The following TCF12 variants were observed in gnomAD, a reference collection of about 807,000 sequenced individuals.
TCF12 encodes transcription factor 12, also known as DNA-binding protein HTF4.
TCF12 carries 45 observed loss-of-function variants against 86.0 expected under a neutral mutation model. That is an observed-to-expected ratio of 0.52 (90% CI 0.41 to 0.67). TCF12 has a LOEUF of 0.67. Among genes scored for constraint, TCF12 ranks in the 30% least tolerant of loss-of-function variants. TCF12 has a pLI of 0.00. For synonymous variants in TCF12, 330 were observed against 299.6 expected (o/e 1.10, Z -1.05); for missense variants, 881 against 859.9 (o/e 1.02, Z -0.31).
chr15:57,223,655 T>TTTTTTTTTTTTA (rs2058724434), intron 8 of TCF12, among the ~76,000 whole-genome samples: 1 of 97,076 alleles, frequency 1.0e-5, no homozygotes, highest in East Asian at 2.8e-4. Context: ...TTTTTTTTTT[T>TTTTTTTTTTTTA]TTTTTTTTTT....
chr15:56,979,613 A>G (rs1223456311), intron 3 of TCF12, among the ~76,000 whole-genome samples: 1 of 152,218 alleles, frequency 6.6e-6, no homozygotes, highest in East Asian at 1.9e-4. Flanking sequence ...TAGTTAAAGA[A>G]ATACAGTAAG....
At chr15:57,181,551 TA>T (rs34096917) in intron 6 of TCF12, among the ~76,000 whole-genome samples, 58,612 of 152,018 alleles carry the variant, frequency 0.39, 14,115 homozygotes, top group Non-Finnish European at 0.53. Flanking sequence ...GAGTTCCCAT[TA>T]AAAAAAGGAT....
chr15:57,166,466 A>C lies in TCF12; in HGVS notation c.390A>C (p.Gln130His), dbSNP rs775677032. The C allele has an allele frequency of 6.2e-7, 1 of 1,611,974 alleles. No homozygotes were observed. The highest frequency in any genetic ancestry group is 1.1e-5 in the South Asian group (1 of 90,392). ...GAGATACTGGATTACCAGGCTGTCA[A>C]GTAAGTTTAATGATTAAAAAAAGCA... Reference protein sequence around the residue: ...YSRDTGLPGCQSSLLRQDLGL... With the variant: ...YSRDTGLPGCHSSLLRQDLGL... Residue 130 changes from glutamine to histidine, a missense_variant and splice_region_variant, in exon 6 of 21, where the codon CAA (glutamine) becomes CAC (histidine). This residue lies in a region of TCF12 where 766 missense variants were observed against 718.9 expected (regional missense o/e 1.07). Coordinates refer to ENST00000333725, the MANE Select transcript of TCF12 (RefSeq NM_207037.2).
At chr15:57,106,993 T>A (rs193143276) in intron 5 of TCF12, among the ~76,000 whole-genome samples, 204 of 152,380 alleles carry the variant, frequency 1.3e-3, no homozygotes, top group Admixed American at 4.0e-3. Flanking sequence ...ATAGTCACTT[T>A]GGAAGACAGT....
intron 5 of TCF12, among the ~76,000 whole-genome samples, chr15:57,129,185 C>G (rs1350547712): frequency 1.3e-5 from 2 of 152,198 alleles, no homozygotes; most frequent in African/African-American, 4.8e-5. Flanking sequence ...CACATCTTTG[C>G]CAACATGCGT....
intron 4 of TCF12, among the ~76,000 whole-genome samples, chr15:57,089,491 C>T (rs1314467929): frequency 6.6e-6 from 1 of 151,504 alleles, no homozygotes; most frequent in African/African-American, 2.4e-5. Flanking sequence ...GTAATCTAAT[C>T]TATAAAGTTA....
chr15:56,987,167 A>T (rs1466317781), intron 3 of TCF12, among the ~76,000 whole-genome samples: 1 of 151,736 alleles, frequency 6.6e-6, no homozygotes, highest in East Asian at 1.9e-4. Flanking sequence ...CCTGGAGTTC[A>T]GTGGCGCAAT....
rs956565999 is a variant in TCF12, at chr15:57,068,262, A to G, written c.222+4439A>G. On this transcript the variant is annotated intron_variant, in intron 4 of 20. Transcript: ENST00000333725. ...GAGGCAATATATGGAAATTGCATAG[A>G]TCAATGTCTGATATGTGGTGAGTGC... is the stretch of plus-strand genomic sequence containing the variant. 4.6e-5 allele frequency among the ~76,000 whole-genome samples: 7 copies of G among 152,312 alleles called. No individual in the cohort carries two copies. The South Asian group carries it at 1.2e-3, about 27-fold the overall frequency.
chr15:57,048,283 AC>A (rs1476661048), intron 3 of TCF12, among the ~76,000 whole-genome samples: 1 of 151,548 alleles, frequency 6.6e-6, no homozygotes, highest in Non-Finnish European at 1.5e-5. Context: ...TGTTTTTGAG[AC>A]AGAGTCTCGC....
At chr15:56,946,207 C>A (rs1319260888) in intron 3 of TCF12, among the ~76,000 whole-genome samples, 1 of 152,168 alleles carries the variant, frequency 6.6e-6, no homozygotes, top group Non-Finnish European at 1.5e-5. Flanking sequence ...ACTCTCTTAC[C>A]TTTCCTTCTA....
chr15:57,104,381 T>C (rs1207916111), intron 5 of TCF12, among the ~76,000 whole-genome samples: 1 of 152,038 alleles, frequency 6.6e-6, no homozygotes, highest in South Asian at 2.1e-4. Flanking sequence ...ACTAAGCACG[T>C]TGATTCTTCA....
chr15:57,170,722 T>TTA lies in TCF12; in HGVS notation c.390+4262_390+4263dup, dbSNP rs1567559145. Among the ~76,000 whole-genome samples the TTA allele has an allele frequency of 5.3e-3, 136 of 25,882 alleles. 6 individuals are homozygous for TTA. Among genetic ancestry groups the TTA allele is most frequent in the African/African-American group, 0.011 (97 of 8,758 alleles). 17.0% of individuals were successfully genotyped at this position (25,882 alleles called of 152,430 possible). On this transcript the variant is annotated intron_variant, in intron 6 of 20. Coordinates refer to ENST00000333725, the MANE Select transcript of TCF12 (RefSeq NM_207037.2). ...TTATATATAATATATAATATATATA[T>TTA]TATATATTATATATAATATATATTA...
Position 57,232,295 on chromosome 15 carries a change from G to C in TCF12, c.690G>C (p.Gly230=), listed in dbSNP as rs141155059. Reference sequence around the variant, plus strand: ...ATATTTCTCTTTTTGTCTTAGATGGGACCCACAATTCTTCTGACCTTTGGA... The same window carrying C: ...ATATTTCTCTTTTTGTCTTAGATGGCACCCACAATTCTTCTGACCTTTGGA... ...MFASTFFMQD[G]THNSSDLWSS... The change falls in exon 10 of 21, where the codon GGG becomes GGC. Residue 230 remains glycine, a synonymous_variant. Coordinates refer to ENST00000333725, the MANE Select transcript of TCF12 (RefSeq NM_207037.2). 3.1e-6 allele frequency: 5 copies of C among 1,613,664 alleles called. No homozygotes were observed. The highest frequency in any genetic ancestry group is 1.3e-5 in the African/African-American group (1 of 74,868).
chr15:57,054,773 CTTTTTTTTTTTTTTTT>C (rs35859330), intron 3 of TCF12, among the ~76,000 whole-genome samples: 2 of 24,166 alleles, frequency 8.3e-5, no homozygotes, highest in Non-Finnish European at 1.7e-4. Flanking sequence ...AATGCCTCTG[CTTTTTTTTTTTTTTTT>C]TTTTTTTTTT....
At chr15:57,259,618 G>A (rs918683952) in intron 16 of TCF12, among the ~76,000 whole-genome samples, 15 of 152,190 alleles carry the variant, frequency 9.9e-5, no homozygotes, top group Admixed American at 5.9e-4. Context: ...TTAATGGCAT[G>A]GGCCTTTTAT....
At chr15:57,054,249 G>A (rs2067832511) in intron 3 of TCF12, among the ~76,000 whole-genome samples, 1 of 152,196 alleles carries the variant, frequency 6.6e-6, no homozygotes, top group Non-Finnish European at 1.5e-5. Context: ...GTTAATAATA[G>A]TAATTGCTCA....
chr15:57,194,736 T>C (rs1417556870), intron 7 of TCF12, among the ~76,000 whole-genome samples: 2 of 152,208 alleles, frequency 1.3e-5, no homozygotes, highest in Admixed American at 6.5e-5. Context: ...CCTAAGCGTC[T>C]TTCACGTATT....
At chr15:57,188,047 A>G (rs888013882) in intron 6 of TCF12, among the ~76,000 whole-genome samples, 2 of 152,206 alleles carry the variant, frequency 1.3e-5, no homozygotes, top group Admixed American at 1.3e-4. Flanking sequence ...GATCTTATAT[A>G]TACGAAATTT....
intron 5 of TCF12, among the ~76,000 whole-genome samples, chr15:57,143,575 A>G (rs1345458179): frequency 5.3e-5 from 8 of 152,168 alleles, no homozygotes; most frequent in Non-Finnish European, 1.2e-4. Flanking sequence ...AAGGAAAAAA[A>G]TCTTTTAGGT....
Sources: allele counts gnomAD v4.1 joint callset (sites outside exome capture counted in the v4.1 genomes callset), GRCh38; gene constraint gnomAD v4.1.1; regional missense constraint gnomAD v4.1.1; transcripts MANE v1.5; gene names NCBI Gene and HGNC (gene_info 2026-07-23, HGNC 2026-07-21).